The following STK32B variants were observed in gnomAD, a reference collection of about 807,000 sequenced individuals.
The protein encoded by STK32B is serine/threonine kinase 32B.
Under a neutral mutation model 52.6 loss-of-function variants are expected in STK32B, and 43 were observed. The ratio of observed to expected loss-of-function variants is 0.82; its 90% CI spans 0.64 to 1.05. The LOEUF (loss-of-function observed/expected upper bound fraction) is 1.05, where lower values mean the gene tolerates loss of function less well. Ranked by LOEUF, STK32B falls within the 50% of genes least tolerant of loss-of-function variation. The pLI is 0.00. For synonymous variants in STK32B, 238 were observed against 204.3 expected (o/e 1.17, Z -1.41); for missense variants, 621 against 534.6 (o/e 1.16, Z -1.59).
chr4:5,495,889 C>T (rs1035270856), intron 11 of STK32B, among the ~76,000 whole-genome samples: 11 of 152,172 alleles, frequency 7.2e-5, no homozygotes, highest in African/African-American at 1.4e-4. Context: ...TGCAGAACAG[C>T]GGGTTTTCCT....
chr4:5,049,288 C>T (rs1231286574), upstream of STK32B, among the ~76,000 whole-genome samples: 3 of 152,062 alleles, frequency 2.0e-5, no homozygotes, highest in Non-Finnish European at 4.4e-5. Context: ...CCTCCGCCTC[C>T]CAGGTTCAAG....
At chr4:5,485,244 GTATTTTCACAAAGTCTCA>G (rs1314285916) in intron 11 of STK32B, among the ~76,000 whole-genome samples, 2 of 151,848 alleles carry the variant, frequency 1.3e-5, no homozygotes, top group African/African-American at 4.8e-5. Context: ...TGTAGATTTG[GTATTTTCACAAAGTCTCA>G]TATTTCTTGG....
intron 6 of STK32B, among the ~76,000 whole-genome samples, chr4:5,426,462 A>T (rs554581731): frequency 6.6e-6 from 1 of 152,126 alleles, no homozygotes; most frequent in South Asian, 2.1e-4. Context: ...CTCAGCACTT[A>T]GGGAGGCTGA....
chr4:5,221,240 C>A (rs1723517299), intron 3 of STK32B, among the ~76,000 whole-genome samples: 1 of 152,202 alleles, frequency 6.6e-6, no homozygotes, highest in Non-Finnish European at 1.5e-5. Context: ...TAGGTGGCAT[C>A]TCTACCTTCA....
At chr4:5,278,025 A>T (rs1727946056) in intron 3 of STK32B, among the ~76,000 whole-genome samples, 1 of 152,186 alleles carries the variant, frequency 6.6e-6, no homozygotes, top group African/African-American at 2.4e-5. Context: ...AAATGAAAGC[A>T]ATTGATCAAG....
chr4:5,389,209 TC>T (rs1436762132), intron 4 of STK32B, among the ~76,000 whole-genome samples: 3 of 152,210 alleles, frequency 2.0e-5, no homozygotes, highest in Non-Finnish European at 4.4e-5. Context: ...ATCCTGGCTG[TC>T]CCACATACGG....
intron 3 of STK32B, among the ~76,000 whole-genome samples, chr4:5,244,728 C>G (rs1176906524): frequency 2.6e-5 from 4 of 152,250 alleles, no homozygotes; most frequent in African/African-American, 7.2e-5. Context: ...CTATAAATTT[C>G]CCTCTACACA....
intron 3 of STK32B, among the ~76,000 whole-genome samples, chr4:5,320,090 A>G (rs1232340360): frequency 6.6e-6 from 1 of 151,792 alleles, no homozygotes; most frequent in Non-Finnish European, 1.5e-5. Flanking sequence ...TCAAGTCTCC[A>G]CTCTACCTAG....
In STK32B at chr4:5,466,814, A is replaced by G; in HGVS notation, c.1021A>G (p.Thr341Ala). 6.2e-7 allele frequency: 1 copy of G among 1,613,858 alleles called. No individual in the cohort carries two copies. ...RLAKNRSRDG[T>A]KDSCPLNGHL... is the part of the protein sequence containing the mutation. ...GGCAAAGAACAGATCCAGGGATGGCACAAAGGACAGCTGCCCGCTGGTGAG... is the reference window on the plus strand; with the variant it reads ...GGCAAAGAACAGATCCAGGGATGGCGCAAAGGACAGCTGCCCGCTGGTGAG... The change falls in exon 10 of 12, where the codon ACA becomes GCA. Residue 341 changes from threonine (T) to alanine (A), a missense_variant. Coordinates refer to ENST00000282908, the MANE Select transcript of STK32B (RefSeq NM_018401.3).
intron 1 of STK32B, among the ~76,000 whole-genome samples, chr4:5,138,144 C>A (rs1380279871): frequency 6.6e-6 from 1 of 152,136 alleles, no homozygotes; most frequent in Non-Finnish European, 1.5e-5. Flanking sequence ...GCAAGTTATC[C>A]TGAAAGGAAA....
chr4:5,147,925 G>A (rs1717041081), intron 2 of STK32B, among the ~76,000 whole-genome samples: 1 of 151,838 alleles, frequency 6.6e-6, no homozygotes, highest in South Asian at 2.1e-4. Flanking sequence ...TCAAAAATGA[G>A]TTCAGTCATT....
chr4:5,254,291 C>T (rs1048840274), intron 3 of STK32B, among the ~76,000 whole-genome samples: 1 of 151,960 alleles, frequency 6.6e-6, no homozygotes, highest in Non-Finnish European at 1.5e-5. Context: ...TTTTCTTTAT[C>T]AGTGTTACTG....
chr4:5,357,020 T>TAC (rs1461369182), intron 4 of STK32B, among the ~76,000 whole-genome samples: 126 of 150,318 alleles, frequency 8.4e-4, no homozygotes, highest in African/African-American at 2.4e-3. Flanking sequence ...TATATATATA[T>TAC]ATACACACAC....
intron 1 of STK32B, among the ~76,000 whole-genome samples, chr4:5,071,142 A>T (rs1711745730): frequency 6.6e-6 from 1 of 152,148 alleles, no homozygotes; most frequent in Admixed American, 6.5e-5. Flanking sequence ...AATGGTTTTA[A>T]TATGGGGAGT....
chr4:5,118,752 C>T (rs1245705013), intron 1 of STK32B, among the ~76,000 whole-genome samples: 2 of 152,158 alleles, frequency 1.3e-5, no homozygotes, highest in African/African-American at 4.8e-5. Flanking sequence ...TCTGGTTAAC[C>T]CTGGTCACTG....
intron 11 of STK32B, among the ~76,000 whole-genome samples, chr4:5,489,765 T>A (rs921162351): frequency 3.9e-5 from 6 of 152,210 alleles, no homozygotes; most frequent in African/African-American, 1.2e-4. Context: ...AAGATTTACT[T>A]ACGTGACATG....
At chr4:5,118,166 C>A (rs1375190488) in intron 1 of STK32B, among the ~76,000 whole-genome samples, 1 of 152,186 alleles carries the variant, frequency 6.6e-6, no homozygotes, top group Non-Finnish European at 1.5e-5. Flanking sequence ...TAGACTCCAC[C>A]ATTGATGCTA....
Position 5,495,796 on chromosome 4 carries a change from A to T in STK32B, c.1107-3149A>T, listed in dbSNP as rs923049592. On this transcript the variant is annotated intron_variant, in intron 11 of 11. Transcript: ENST00000282908. The stretch of plus-strand genomic sequence containing the variant: ...TGTTTGTTAGTTTTCCTTCTAACAG[A>T]CAGGACCCTCAGCTGCAGATCTGTT... Among the ~76,000 whole-genome samples the T allele has an allele frequency of 4.9e-4, 74 of 152,256 alleles. 2 individuals carry two copies. The highest frequency in any genetic ancestry group is 1.7e-3 in the African/African-American group (72 of 41,510).
chr4:5,060,380 A>G (rs1300021977), intron 1 of STK32B, among the ~76,000 whole-genome samples: 1 of 151,892 alleles, frequency 6.6e-6, no homozygotes, highest in Non-Finnish European at 1.5e-5. Flanking sequence ...TTCAATTCTG[A>G]TTTTGGTAAT....
Sources: allele counts gnomAD v4.1 joint callset (sites outside exome capture counted in the v4.1 genomes callset), GRCh38; gene constraint gnomAD v4.1.1; transcripts MANE v1.5; gene names NCBI Gene and HGNC (gene_info 2026-07-23, HGNC 2026-07-21).